SEMA3A: variants seen among roughly 807,000 people sequenced by gnomAD.
SEMA3A encodes semaphorin 3A.
A neutral mutation model predicts 97.9 loss-of-function variants in SEMA3A; 29 were observed. That is an observed-to-expected ratio of 0.30 (90% CI 0.22 to 0.40). The LOEUF (loss-of-function observed/expected upper bound fraction) is 0.40, where lower values mean the gene tolerates loss of function less well. Among genes scored for constraint, SEMA3A ranks in the 10% least tolerant of loss-of-function variants. SEMA3A has a pLI of 1.00. For synonymous variants in SEMA3A, 321 were observed against 323.7 expected (o/e 0.99, Z 0.09); for missense variants, 763 against 951.3 (o/e 0.80, Z 2.60).
At chr7:84,208,534 C>A (rs1248880378) in intron 3 of SEMA3A, among the ~76,000 whole-genome samples, 1 of 152,088 alleles carries the variant, frequency 6.6e-6, no homozygotes, top group Non-Finnish European at 1.5e-5. Context: ...GTAAGACTAG[C>A]CTTTTAGAAA....
intron 3 of SEMA3A, among the ~76,000 whole-genome samples, chr7:84,260,555 T>C (rs1479765957): frequency 1.3e-5 from 2 of 152,140 alleles, no homozygotes; most frequent in Non-Finnish European, 2.9e-5. Context: ...CTGTCTGGCC[T>C]CTCCCCACTC....
At chr7:83,990,877 G>T (rs936382552) in intron 12 of SEMA3A, among the ~76,000 whole-genome samples, 4 of 151,518 alleles carry the variant, frequency 2.6e-5, no homozygotes, top group Non-Finnish European at 5.9e-5. Flanking sequence ...TAGCTTGATG[G>T]GGATGGCATT....
intron 1 of SEMA3A, among the ~76,000 whole-genome samples, chr7:84,400,710 T>A (rs1014562734): frequency 1.3e-5 from 2 of 152,280 alleles, no homozygotes; most frequent in African/African-American, 4.8e-5. Flanking sequence ...GGTAGAAAGT[T>A]TATTCAAAGA....
chr7:84,061,738 C>T (rs1331001384), intron 4 of SEMA3A, among the ~76,000 whole-genome samples: 4 of 151,788 alleles, frequency 2.6e-5, no homozygotes, highest in South Asian at 2.1e-4. Context: ...GAATTAGGGA[C>T]GAAAGTTAAA....
Position 84,410,319 on chromosome 7 carries a change from CA to C in SEMA3A, c.-245-38420del, listed in dbSNP as rs573035529. 6.0e-3 allele frequency among the ~76,000 whole-genome samples: 910 copies of C among 152,014 alleles called. 10 individuals are homozygous for C. The highest frequency in any genetic ancestry group is 0.02 in the African/African-American group (848 of 41,518). ...TTGAGAATTGAGTGCAGTTTTTCATCAGGGGGTCATTTTCTTCTATAATTTT... is the reference window on the plus strand; with the variant it reads ...TTGAGAATTGAGTGCAGTTTTTCATCGGGGGTCATTTTCTTCTATAATTTT... On this transcript the variant is annotated intron_variant, in intron 1 of 3. Coordinates refer to the SEMA3A transcript ENST00000424555.
intron 3 of SEMA3A, among the ~76,000 whole-genome samples, chr7:84,206,033 T>A (rs1798484430): frequency 6.6e-6 from 1 of 152,092 alleles, no homozygotes; most frequent in African/African-American, 2.4e-5. Context: ...GATGATTGAG[T>A]TACATTTAAC....
intron 3 of SEMA3A, among the ~76,000 whole-genome samples, chr7:84,238,970 G>A (rs1445530219): frequency 6.6e-6 from 1 of 152,080 alleles, no homozygotes; most frequent in Non-Finnish European, 1.5e-5. Context: ...GCCTGCCTCG[G>A]CCTCTCAAAG....
intron 3 of SEMA3A, among the ~76,000 whole-genome samples, chr7:84,232,634 G>A (rs1310316746): frequency 1.3e-5 from 2 of 151,800 alleles, no homozygotes; most frequent in African/African-American, 4.8e-5. Flanking sequence ...CAGCATATAA[G>A]AAAACACTGT....
At chr7:84,184,594 G>A (rs1797820815) in intron 1 of SEMA3A, among the ~76,000 whole-genome samples, 1 of 151,924 alleles carries the variant, frequency 6.6e-6, no homozygotes, top group African/African-American at 2.4e-5. Context: ...AGGTAAAAAG[G>A]TGGGGGTATG....
At chr7:84,172,205 C>T (rs1797404093) in intron 1 of SEMA3A, among the ~76,000 whole-genome samples, 5 of 152,128 alleles carry the variant, frequency 3.3e-5, no homozygotes, top group Admixed American at 3.3e-4. Flanking sequence ...TATGCACACT[C>T]CATGTGCCAC....
chr7:84,189,017 A>G (rs1414923058), intron 1 of SEMA3A, among the ~76,000 whole-genome samples: 3 of 151,840 alleles, frequency 2.0e-5, no homozygotes, highest in Non-Finnish European at 4.4e-5. Flanking sequence ...GCTGTCACAA[A>G]TTGCTAGTGC....
chr7:84,375,241 A>G (rs1426415514), intron 1 of SEMA3A, among the ~76,000 whole-genome samples: 2 of 152,106 alleles, frequency 1.3e-5, no homozygotes, highest in Non-Finnish European at 2.9e-5. Flanking sequence ...GCTGATCTCG[A>G]ACTTCTGACC....
chr7:84,465,965 A>G (rs1045084731), intron 1 of SEMA3A, among the ~76,000 whole-genome samples: 3 of 152,054 alleles, frequency 2.0e-5, no homozygotes, highest in Non-Finnish European at 4.4e-5. Flanking sequence ...TGGCTTCACA[A>G]TTTATCCAGG....
intron 1 of SEMA3A, among the ~76,000 whole-genome samples, chr7:84,427,300 T>C (rs1804852630): frequency 6.6e-6 from 1 of 152,038 alleles, no homozygotes; most frequent in Non-Finnish European, 1.5e-5. Flanking sequence ...AAAATGACCA[T>C]GACTAGGAAT....
intron 3 of SEMA3A, among the ~76,000 whole-genome samples, chr7:84,306,061 G>T (rs1392157882): frequency 6.6e-6 from 1 of 151,638 alleles, no homozygotes. Flanking sequence ...AAGATATGAG[G>T]TATATTTCCC....
Position 84,425,491 on chromosome 7 carries a change from T to A in SEMA3A, c.-245-53591A>T, listed in dbSNP as rs1584315991. Among the ~76,000 whole-genome samples the A allele has an allele frequency of 3.5e-5, 5 of 141,990 alleles. No homozygotes were observed. In the South Asian group the frequency reaches 1.1e-3, roughly 30 times the overall value. The allele number at this position is 141,990 out of a possible 152,430, so 93.2% of individuals were successfully genotyped here. A position where few individuals can be genotyped will look rare whatever the true frequency, so the allele number is the denominator to read the frequency against. On this transcript the variant is annotated intron_variant, in intron 1 of 3. Coordinates refer to the SEMA3A transcript ENST00000424555. ...TACATATATTTATATAAAAATATAA[T>A]TATATGCATATAATATATTCATATG...
At chr7:84,040,347 A>G (rs1273268224) in intron 6 of SEMA3A, among the ~76,000 whole-genome samples, 1 of 151,626 alleles carries the variant, frequency 6.6e-6, no homozygotes, top group Non-Finnish European at 1.5e-5. Flanking sequence ...GGGGAGCTCT[A>G]GGCTCATCAC....
intron 6 of SEMA3A, among the ~76,000 whole-genome samples, chr7:84,029,534 C>T (rs988137456): frequency 5.9e-5 from 9 of 152,278 alleles, no homozygotes; most frequent in African/African-American, 9.6e-5. Flanking sequence ...TCCTTCTTAA[C>T]TGCAGGAAGC....
intron 1 of SEMA3A, among the ~76,000 whole-genome samples, chr7:84,401,705 C>A (rs1397738213): frequency 1.3e-5 from 2 of 152,084 alleles, no homozygotes; most frequent in South Asian, 4.1e-4. Context: ...AATAACTACA[C>A]ACATTTAAAG....
Sources: allele counts gnomAD v4.1 joint callset (sites outside exome capture counted in the v4.1 genomes callset), GRCh38; gene constraint gnomAD v4.1.1; transcripts MANE v1.5; gene names NCBI Gene and HGNC (gene_info 2026-07-23, HGNC 2026-07-21).